The following SH2D4A variants were observed in gnomAD, a reference collection of about 807,000 sequenced individuals.
SH2D4A encodes SH2 domain containing 4A, also known as SH2 domain-containing protein 4A.
Under a neutral mutation model 64.7 loss-of-function variants are expected in SH2D4A, and 70 were observed. That is an observed-to-expected ratio of 1.08 (90% confidence interval 0.89 to 1.32). SH2D4A has a LOEUF of 1.32. SH2D4A is among the 40% of genes most tolerant of loss of function. The pLI is 0.00. For missense variants in SH2D4A, 706 were observed against 540.1 expected, an observed-to-expected ratio of 1.31 and a Z score of -3.04; for synonymous variants, 268 against 200.7, an observed-to-expected ratio of 1.34 and a Z score of -2.83.
chr8:19,317,090 T>G (rs2052101368), intron 1 of SH2D4A, among the ~76,000 whole-genome samples: 1 of 152,190 alleles, frequency 6.6e-6, no homozygotes, highest in African/African-American at 2.4e-5. Flanking sequence ...ACAGCAGAAG[T>G]CTCAACCCCA....
chr8:19,394,198 G>C (rs181635889), intron 9 of SH2D4A, among the ~76,000 whole-genome samples: 1 of 152,130 alleles, frequency 6.6e-6, no homozygotes, highest in Admixed American at 6.6e-5. Flanking sequence ...GAGCTCAGGC[G>C]ATAATGTGAA....
chr8:19,324,410 G>T (rs7835759), intron 2 of SH2D4A, among the ~76,000 whole-genome samples: 46,355 of 152,030 alleles, frequency 0.3, 8,254 homozygotes, highest in African/African-American at 0.5. Context: ...CTCTATTTTT[G>T]TGAAATAATG....
At position 19,394,635 on chromosome 8, in the gene SH2D4A, T is replaced by C; in HGVS notation, c.1358T>C (p.Phe453Ser). The C allele has an allele frequency of 3.1e-6, 5 of 1,606,738 alleles. No individual in the cohort carries two copies. Among genetic ancestry groups the C allele is most frequent in the Non-Finnish European group, 4.3e-6 (5 of 1,175,198 alleles). ...QDQLPDYLEL[F>S]E is the part of the protein sequence containing the mutation. ...CAGCTGCCTGACTACCTGGAGCTGT[T>C]TGAGTGACAGCCTCCATCAGGGTCA... Residue 453 changes from phenylalanine to serine, a missense_variant, in exon 10 of 10, where the codon TTT becomes TCT. Phe to Ser is a radical substitution (Grantham distance 155, BLOSUM62 -2). Transcript: ENST00000265807.
chr8:19,351,103 C>G (rs896448528), intron 4 of SH2D4A, among the ~76,000 whole-genome samples: 4 of 152,104 alleles, frequency 2.6e-5, no homozygotes, highest in African/African-American at 9.7e-5. Flanking sequence ...ATTATTCTGC[C>G]TCTCCTGTTA....
At chr8:19,359,410 A>G (rs999688319) in intron 5 of SH2D4A, among the ~76,000 whole-genome samples, 10 of 152,240 alleles carry the variant, frequency 6.6e-5, no homozygotes, top group Admixed American at 6.5e-4. Context: ...ATCCTCAGCA[A>G]CAATATCCAT....
At chr8:19,394,010 C>T (rs972738111) in intron 9 of SH2D4A, among the ~76,000 whole-genome samples, 48 of 127,258 alleles carry the variant, frequency 3.8e-4, no homozygotes, top group African/African-American at 1.1e-3. Flanking sequence ...GTGGGAGCCC[C>T]GAACTTGTTT....
chr8:19,359,095 A>C (rs992256071), intron 5 of SH2D4A, among the ~76,000 whole-genome samples: 5 of 152,214 alleles, frequency 3.3e-5, no homozygotes, highest in Admixed American at 1.3e-4. Flanking sequence ...AGATTTTGAT[A>C]AAAGTAAAAT....
At chr8:19,314,841 A>G (rs1055052783) in intron 1 of SH2D4A, among the ~76,000 whole-genome samples, 2 of 152,206 alleles carry the variant, frequency 1.3e-5, no homozygotes, top group Non-Finnish European at 2.9e-5. Flanking sequence ...ATATATTTAC[A>G]AACTGCTGTC....
At chr8:19,320,726 A>T (rs1176982490) in intron 2 of SH2D4A, among the ~76,000 whole-genome samples, 1 of 150,566 alleles carries the variant, frequency 6.6e-6, no homozygotes, top group Non-Finnish European at 1.5e-5. Flanking sequence ...TAACCCCCAC[A>T]CCCCCGCCTT....
At chr8:19,381,537 A>G (rs2053292649) in intron 8 of SH2D4A, among the ~76,000 whole-genome samples, 1 of 152,164 alleles carries the variant, frequency 6.6e-6, no homozygotes, top group Non-Finnish European at 1.5e-5. Context: ...TAATTCATTT[A>G]TTAGTTTTAA....
chr8:19,386,378 A>G (rs1473080851), intron 8 of SH2D4A, among the ~76,000 whole-genome samples: 1 of 152,174 alleles, frequency 6.6e-6, no homozygotes, highest in African/African-American at 2.4e-5. Context: ...CTTTTCTCAT[A>G]AATTAGTGCA....
chr8:19,372,240 G>A (rs748149547), intron 7 of SH2D4A, among the ~76,000 whole-genome samples: 10 of 152,142 alleles, frequency 6.6e-5, no homozygotes, highest in Admixed American at 2.6e-4. Context: ...TGTGACCACT[G>A]CAGCCATCTC....
chr8:19,373,473 G>T, intron 7 of SH2D4A, 57 bp from the exon 8 acceptor site: 1 of 1,266,436 alleles, frequency 7.9e-7, no homozygotes, highest in Non-Finnish European at 1.1e-6. Context: ...TATGACTTTT[G>T]AGGGCATTAT....
chr8:19,358,801 C>CGGGCCCAGCGGCTTTCTATAT lies in SH2D4A; in HGVS notation c.594+1529_594+1549dup, dbSNP rs1407261018. ...CAGGCTGGACAAGAGGCTTTCTGAACGGGCCCAGCGGCTTTCTATATGGGC... is the reference window on the plus strand; with the variant it reads ...CAGGCTGGACAAGAGGCTTTCTGAACGGGCCCAGCGGCTTTCTATATGGGCCCAGCGGCTTTCTATATGGGC... On this transcript the variant is annotated intron_variant, in intron 5 of 9. Transcript: ENST00000265807. Among the ~76,000 whole-genome samples the CGGGCCCAGCGGCTTTCTATAT allele has an allele frequency of 2.6e-5, 4 of 152,318 alleles. No homozygotes were observed. In the East Asian group the frequency reaches 7.7e-4, roughly 29 times the overall value.
At position 19,319,379 on chromosome 8, in the gene SH2D4A, G is replaced by T; in HGVS notation, c.-169G>T. On this transcript the variant is annotated 5_prime_UTR_variant, in exon 2 of 10. Coordinates refer to ENST00000265807, the MANE Select transcript of SH2D4A (RefSeq NM_022071.4). Reference sequence around the variant, plus strand: ...CAGCATTTTGGACAGGACATTTGGTGCCAGGTCTGAGTAGCCAGTTTGCTG... The same window carrying T: ...CAGCATTTTGGACAGGACATTTGGTTCCAGGTCTGAGTAGCCAGTTTGCTG... The T allele has an allele frequency of 7.9e-7, 1 of 1,269,904 alleles. No individual in the cohort carries two copies. The highest frequency in any genetic ancestry group is 9.9e-7 in the Non-Finnish European group (1 of 1,006,802). The allele number at this position is 1,269,904 out of a possible 1,614,324, so 78.7% of individuals were successfully genotyped here.
At chr8:19,389,234 G>A (rs2053442607) in intron 8 of SH2D4A, among the ~76,000 whole-genome samples, 2 of 152,214 alleles carry the variant, frequency 1.3e-5, no homozygotes, top group African/African-American at 4.8e-5. Context: ...GCCTGCTGGT[G>A]TTTGAGTTAC....
intron 1 of SH2D4A, among the ~76,000 whole-genome samples, chr8:19,318,929 A>G (rs1025446298): frequency 8.1e-5 from 12 of 148,780 alleles, no homozygotes; most frequent in South Asian, 6.3e-4. Flanking sequence ...CAAAAGTGGT[A>G]TTTTCTTTTG....
intron 7 of SH2D4A, among the ~76,000 whole-genome samples, chr8:19,366,933 T>A (rs902865569): frequency 6.6e-6 from 1 of 152,218 alleles, no homozygotes; most frequent in African/African-American, 2.4e-5. Context: ...ACATTATTCT[T>A]TTTATGGATC....
intron 4 of SH2D4A, among the ~76,000 whole-genome samples, chr8:19,344,028 A>G (rs2052571638): frequency 1.3e-5 from 2 of 152,146 alleles, no homozygotes; most frequent in African/African-American, 4.8e-5. Flanking sequence ...GAACAGTCTG[A>G]TGGGGTAAAG....
Sources: gnomAD v4.1 joint callset for allele counts (sites outside exome capture counted in the v4.1 genomes callset) on GRCh38, gnomAD v4.1.1 for gene constraint, MANE v1.5 for transcripts, NCBI Gene and HGNC (gene_info 2026-07-23, HGNC 2026-07-21) for gene names.